Variants in NEMP2 observed in about 807,000 individuals in gnomAD.
NEMP2 encodes the protein UPF0571 transmembrane protein.
NEMP2 carries 53 observed loss-of-function variants against 54.2 expected under a neutral mutation model. That is an observed-to-expected ratio of 0.98 (90% CI 0.78 to 1.23). NEMP2 has a LOEUF of 1.23. NEMP2 is among the 50% of genes most tolerant of loss of function. The pLI, the probability that NEMP2 is intolerant of heterozygous loss-of-function variation, is 0.00. For missense variants in NEMP2, 455 were observed against 511.3 expected (o/e 0.89, Z 1.06); for synonymous variants, 197 against 190.3 (o/e 1.04, Z -0.29).
the NEMP2 span, among the ~76,000 whole-genome samples, chr2:190,484,659 T>A: frequency 6.6e-6 from 1 of 152,192 alleles, no homozygotes; most frequent in Non-Finnish European, 1.5e-5. Flanking sequence ...CATGTTCCAG[T>A]TTATGAACGA....
the NEMP2 span, among the ~76,000 whole-genome samples, chr2:190,613,622 C>G: frequency 6.6e-6 from 1 of 152,130 alleles, no homozygotes; most frequent in Non-Finnish European, 1.5e-5. Flanking sequence ...GAGTCTCACT[C>G]TGTCACCCAG....
chr2:190,475,842 T>C, the NEMP2 span, among the ~76,000 whole-genome samples: 2 of 152,130 alleles, frequency 1.3e-5, no homozygotes, highest in African/African-American at 4.8e-5. Flanking sequence ...CAAAACAGCA[T>C]GGTACTGGTA....
At chr2:190,477,273 C>G in the NEMP2 span, 1 of 984,184 alleles carries the variant, frequency 1.0e-6, no homozygotes, top group Non-Finnish European at 1.2e-6. Flanking sequence ...TAATATGCAA[C>G]ACAGTTCTTA....
chr2:190,601,715 TC>T, the NEMP2 span, among the ~76,000 whole-genome samples: 1 of 152,194 alleles, frequency 6.6e-6, no homozygotes, highest in Non-Finnish European at 1.5e-5. This position sits in a 1 kb window ranked among gnomAD's most constrained non-coding sequence, Gnocchi z 5.8. Context: ...AATCTGTTTC[TC>T]CAGGTACCAG....
chr2:190,503,243 G>T (rs1335938540), downstream of NEMP2, among the ~76,000 whole-genome samples: 1 of 152,240 alleles, frequency 6.6e-6, no homozygotes, highest in Admixed American at 6.5e-5. The surrounding 1 kb of genome is among the most constrained non-coding windows in gnomAD (Gnocchi z 6.3). Flanking sequence ...CCAGAGGTTG[G>T]TAGGGACTCT....
Position 190,512,909 on chromosome 2 carries a change from CCA to C in NEMP2, c.953+1542_953+1543del, listed in dbSNP as rs139203561. Among the ~76,000 whole-genome samples, 1 of 151,754 alleles carries C rather than the reference CCA, an allele frequency of 6.6e-6. No homozygotes were observed. The highest frequency in any genetic ancestry group is 1.5e-5 in the Non-Finnish European group (1 of 67,894). On this transcript the variant is annotated intron_variant, in intron 7 of 8. Coordinates refer to ENST00000409150, the MANE Select transcript of NEMP2 (RefSeq NM_001142645.2). The surrounding 1 kb of genome is among the most constrained non-coding windows in gnomAD (Gnocchi z 4.5). Reference sequence around the variant, plus strand: ...GTGCAATTTTAACCCTGTGATATTGCCACACACACACACAGTCACCAGTTCCA... The same window carrying C: ...GTGCAATTTTAACCCTGTGATATTGCCACACACACACAGTCACCAGTTCCA...
At chr2:190,574,231 T>C in the NEMP2 span, among the ~76,000 whole-genome samples, 1 of 152,210 alleles carries the variant, frequency 6.6e-6, no homozygotes, top group Non-Finnish European at 1.5e-5. Flanking sequence ...ATAAATTGAG[T>C]CAAAGGTACA....
At chr2:190,436,646 T>A in the NEMP2 span, 1 of 1,614,200 alleles carries the variant, frequency 6.2e-7, no homozygotes, top group South Asian at 1.1e-5. This position sits in a 1 kb window ranked among gnomAD's most constrained non-coding sequence, Gnocchi z 5.3. Flanking sequence ...GAAACAAGGC[T>A]CAATGTCTCA....
the NEMP2 span, among the ~76,000 whole-genome samples, chr2:190,586,690 C>T: frequency 1.3e-5 from 2 of 152,046 alleles, no homozygotes; most frequent in African/African-American, 4.8e-5. The surrounding 1 kb of genome is among the most constrained non-coding windows in gnomAD (Gnocchi z 4.5). Context: ...AGGTTTTTAT[C>T]CTAAGCACCA....
the NEMP2 span, among the ~76,000 whole-genome samples, chr2:190,602,279 G>A: frequency 5.3e-5 from 8 of 152,280 alleles, no homozygotes; most frequent in South Asian, 2.1e-4. Context: ...AAGAGTTAAC[G>A]TTACAGTCAT....
the NEMP2 span, among the ~76,000 whole-genome samples, chr2:190,587,865 G>A: frequency 5.3e-5 from 8 of 152,070 alleles, no homozygotes; most frequent in Admixed American, 1.3e-4. The surrounding 1 kb of genome is among the most constrained non-coding windows in gnomAD (Gnocchi z 5.4). Context: ...CTCACCAGCC[G>A]AGGGGTCAAC....
the NEMP2 span, among the ~76,000 whole-genome samples, chr2:190,603,668 T>C: frequency 6.6e-6 from 1 of 150,710 alleles, no homozygotes; most frequent in Non-Finnish European, 1.5e-5. Context: ...GAGAGTGCTA[T>C]GATAGTTCTG....
the NEMP2 span, among the ~76,000 whole-genome samples, chr2:190,598,214 GGT>G: frequency 4.6e-5 from 7 of 152,128 alleles, no homozygotes; most frequent in African/African-American, 1.4e-4. Flanking sequence ...AATCACCCCT[GGT>G]TGAAAACCAC....
At chr2:190,572,331 G>A in the NEMP2 span, among the ~76,000 whole-genome samples, 2 of 152,142 alleles carry the variant, frequency 1.3e-5, no homozygotes, top group African/African-American at 2.4e-5. Context: ...TTCAGTTATT[G>A]CTCTTTCCTT....
chr2:190,459,131 T>C, the NEMP2 span, among the ~76,000 whole-genome samples: 3 of 152,188 alleles, frequency 2.0e-5, no homozygotes. This position sits in a 1 kb window ranked among gnomAD's most constrained non-coding sequence, Gnocchi z 5.3. Flanking sequence ...CCAAGACTCC[T>C]TTTTTCCTCC....
At chr2:190,556,252 G>A in the NEMP2 span, among the ~76,000 whole-genome samples, 1 of 152,170 alleles carries the variant, frequency 6.6e-6, no homozygotes, top group East Asian at 1.9e-4. Flanking sequence ...AATAGATGCA[G>A]AAAAGGCCTT....
Position 190,510,578 on chromosome 2 carries a change from A to C in NEMP2, c.954-41T>G, listed in dbSNP as rs1174993887. 3.2e-6 allele frequency: 5 copies of C among 1,547,268 alleles called. No individual in the cohort carries two copies. Among genetic ancestry groups the C allele is most frequent in the South Asian group, 1.2e-5 (1 of 83,958 alleles). On this transcript the variant is annotated intron_variant, in intron 7 of 8. Coordinates refer to ENST00000409150, the MANE Select transcript of NEMP2 (RefSeq NM_001142645.2). The surrounding 1 kb of genome is among the most constrained non-coding windows in gnomAD (Gnocchi z 5.7). ...TGGTTGCAGGATTACTTCCTAATTC[A>C]ATCCTTAAGATTTACAAAAATAGGC... is the stretch of plus-strand genomic sequence containing the variant.
chr2:190,648,614 A>AT, the NEMP2 span: 273 of 143,010 alleles, frequency 1.9e-3, no homozygotes, highest in African/African-American at 5.6e-3. Flanking sequence ...CTCACACATA[A>AT]TTTTTTTTTT....
chr2:190,578,789 C>CGGAG, the NEMP2 span, among the ~76,000 whole-genome samples: 7 of 151,304 alleles, frequency 4.6e-5, no homozygotes, highest in African/African-American at 1.7e-4. This position sits in a 1 kb window ranked among gnomAD's most constrained non-coding sequence, Gnocchi z 4.4. Context: ...AAAAAAAAAG[C>CGGAG]GGAGGGAGGG....
Sources: allele counts gnomAD v4.1 joint callset (sites outside exome capture counted in the v4.1 genomes callset), GRCh38; gene constraint gnomAD v4.1.1; non-coding constraint Gnocchi (gnomAD v3.1); transcripts MANE v1.5; gene names NCBI Gene and HGNC (gene_info 2026-07-23, HGNC 2026-07-21).